Variants in TMEM170B observed in about 807,000 individuals in gnomAD.
TMEM170B encodes transmembrane protein 170B.
A neutral mutation model predicts 13.0 loss-of-function variants in TMEM170B; 6 were observed. That is an observed-to-expected ratio of 0.46 (90% CI 0.25 to 0.91). The LOEUF (loss-of-function observed/expected upper bound fraction) is 0.91. TMEM170B is among the 40% of genes least tolerant of loss of function. The pLI, the probability that TMEM170B is intolerant of heterozygous loss-of-function variation, is 0.17. For synonymous variants in TMEM170B, 61 were observed against 64.9 expected (o/e 0.94, Z 0.29); for missense variants, 138 against 165.2 (o/e 0.84, Z 0.90).
At position 11,538,222 on chromosome 6, in the gene TMEM170B, A is replaced by AGCCGCC. The variant is rs886879685; in HGVS notation, c.-46_-41dup. The AGCCGCC allele has an allele frequency of 5.1e-6, 5 of 972,724 alleles. No individual in the cohort carries two copies. The highest frequency in any genetic ancestry group is 4.2e-5 in the East Asian group (1 of 23,914). 60.3% of individuals were successfully genotyped at this position (972,724 alleles called of 1,614,324 possible). On this transcript the variant is annotated 5_prime_UTR_variant, in exon 1 of 3. Transcript: ENST00000379426. ...CCCGCCGCCGCCCCCCGAGCCTCGCAGCCGCCGCCGCCGCCCGGCACCCGA... is the reference window on the plus strand; with the variant it reads ...CCCGCCGCCGCCCCCCGAGCCTCGCAGCCGCCGCCGCCGCCGCCGCCCGGCACCCGA...
chr6:11,563,927 G>A (rs1401925757), intron 1 of TMEM170B, among the ~76,000 whole-genome samples: 2 of 152,152 alleles, frequency 1.3e-5, no homozygotes, highest in African/African-American at 2.4e-5. Context: ...CTGTGGTCAC[G>A]CCACTGCACT....
chr6:11,561,605 A>T (rs1334005973), intron 1 of TMEM170B, among the ~76,000 whole-genome samples: 4 of 152,182 alleles, frequency 2.6e-5, no homozygotes. Context: ...TCATGAGGTT[A>T]TGTTGATCTG....
chr6:11,552,857 A>G (rs1254899362), intron 1 of TMEM170B, among the ~76,000 whole-genome samples: 7 of 152,198 alleles, frequency 4.6e-5, no homozygotes, highest in African/African-American at 1.4e-4. Context: ...CTTAAGGTCT[A>G]CAATTGCTTA....
chr6:11,549,627 C>T (rs1419009029), intron 1 of TMEM170B, among the ~76,000 whole-genome samples: 1 of 151,334 alleles, frequency 6.6e-6, no homozygotes, highest in African/African-American at 2.4e-5. Context: ...GGCGCCACTG[C>T]ACTCCAGCCT....
intron 2 of TMEM170B, among the ~76,000 whole-genome samples, chr6:11,569,085 T>TTA (rs1379836924): frequency 6.6e-6 from 1 of 152,154 alleles, no homozygotes; most frequent in Non-Finnish European, 1.5e-5. Flanking sequence ...CTTATGTTTA[T>TTA]TATATATTTA....
intron 1 of TMEM170B, among the ~76,000 whole-genome samples, chr6:11,553,675 T>G (rs983324230): frequency 6.6e-6 from 1 of 152,214 alleles, no homozygotes; most frequent in Non-Finnish European, 1.5e-5. Context: ...AAGAAAAGTT[T>G]AGAGGTTTTA....
chr6:11,565,940 A>G (rs1759726577), intron 2 of TMEM170B, 104 bp downstream of exon 2: 2 of 1,107,316 alleles, frequency 1.8e-6, no homozygotes, highest in Non-Finnish European at 2.7e-6. Context: ...TCTTTTATGT[A>G]GATTATTTTT....
At chr6:11,547,189 A>G (rs1292810005) in intron 1 of TMEM170B, among the ~76,000 whole-genome samples, 1 of 152,198 alleles carries the variant, frequency 6.6e-6, no homozygotes, top group Admixed American at 6.5e-5. Context: ...TTGCTAAGCC[A>G]TTTTTGTTTC....
intron 2 of TMEM170B, among the ~76,000 whole-genome samples, chr6:11,567,813 G>A (rs1170444646): frequency 6.6e-6 from 1 of 152,184 alleles, no homozygotes; most frequent in African/African-American, 2.4e-5. Context: ...ATAGAACCGA[G>A]CCAGATTCCA....
Position 11,574,293 on chromosome 6 carries a change from A to G in TMEM170B, c.269-1138A>G, listed in dbSNP as rs146904708. Among the ~76,000 whole-genome samples, 546 of 152,288 alleles carry G rather than the reference A, an allele frequency of 3.6e-3. 1 individual carries two copies. The highest frequency in any genetic ancestry group is 0.013 in the African/African-American group (530 of 41,570). On this transcript the variant is annotated intron_variant, in intron 2 of 2. Coordinates refer to ENST00000379426, the MANE Select transcript of TMEM170B (RefSeq NM_001100829.3). ...AATTTCCTTTTATTTTAAAACATGTATATGAAAGTCCTTGGCTTAGGTTAG... is the reference window on the plus strand; with the variant it reads ...AATTTCCTTTTATTTTAAAACATGTGTATGAAAGTCCTTGGCTTAGGTTAG...
intron 1 of TMEM170B, among the ~76,000 whole-genome samples, chr6:11,558,810 A>G (rs902561202): frequency 1.3e-5 from 2 of 152,188 alleles, no homozygotes; most frequent in Non-Finnish European, 2.9e-5. Context: ...AACATATGTA[A>G]TTGAAATGTC....
intron 1 of TMEM170B, among the ~76,000 whole-genome samples, chr6:11,545,480 C>A (rs929427682): frequency 1.3e-5 from 2 of 151,916 alleles, no homozygotes; most frequent in Non-Finnish European, 2.9e-5. Flanking sequence ...GATGATGGTC[C>A]CATAAGATTA....
chr6:11,566,214 A>G (rs1759731278), intron 2 of TMEM170B, among the ~76,000 whole-genome samples: 1 of 152,248 alleles, frequency 6.6e-6, no homozygotes, highest in Non-Finnish European at 1.5e-5. Context: ...GCAAAAGTAT[A>G]GCCCTGAGGT....
At chr6:11,555,173 G>GC (rs1554151164) in intron 1 of TMEM170B, among the ~76,000 whole-genome samples, 1 of 151,018 alleles carries the variant, frequency 6.6e-6, no homozygotes, top group African/African-American at 2.4e-5. Context: ...TGTCTTTATA[G>GC]TTTTTTTTTC....
At chr6:11,563,305 C>A (rs917529799) in intron 1 of TMEM170B, among the ~76,000 whole-genome samples, 22 of 152,008 alleles carry the variant, frequency 1.4e-4, no homozygotes, top group African/African-American at 5.3e-4. Context: ...CACACCAGGC[C>A]CCCCTCCCCG....
chr6:11,546,038 C>G (rs1021226677), intron 1 of TMEM170B, among the ~76,000 whole-genome samples: 1 of 114,868 alleles, frequency 8.7e-6, no homozygotes, highest in African/African-American at 3.0e-5. Flanking sequence ...AAAAAAAAGG[C>G]AAGCTGTAAA....
At chr6:11,559,936 G>C (rs902968933) in intron 1 of TMEM170B, among the ~76,000 whole-genome samples, 6 of 151,832 alleles carry the variant, frequency 4.0e-5, no homozygotes, top group African/African-American at 1.4e-4. Context: ...TTTTAATAGA[G>C]AGGTTGGGTT....
chr6:11,550,948 C>A (rs999410200), intron 1 of TMEM170B, among the ~76,000 whole-genome samples: 13 of 152,180 alleles, frequency 8.5e-5, no homozygotes, highest in African/African-American at 2.4e-4. Context: ...TATTAGTTAT[C>A]TATTGCTGAA....
At position 11,582,814 on chromosome 6, in the gene TMEM170B, G is replaced by T. The variant is rs1369864486; in HGVS notation, c.*7253G>T. On this transcript the variant is annotated 3_prime_UTR_variant, in exon 3 of 3. Transcript: ENST00000379426. ...ACACAAAAACAAAGGCATATTTGAT[G>T]AAGTACCCTGTGTTATGTGAACACA... The T allele has an allele frequency of 2.6e-5, 4 of 152,152 alleles. No homozygotes were observed. The highest frequency in any genetic ancestry group is 2.6e-4 in the Admixed American group (4 of 15,276). 9.4% of individuals were successfully genotyped at this position (152,152 alleles called of 1,614,324 possible).
Sources: gnomAD v4.1 joint callset for allele counts (sites outside exome capture counted in the v4.1 genomes callset) on GRCh38, gnomAD v4.1.1 for gene constraint, MANE v1.5 for transcripts, NCBI Gene and HGNC (gene_info 2026-07-23, HGNC 2026-07-21) for gene names.